Variants in LRP1B observed in about 807,000 individuals in gnomAD.
LRP1B encodes the protein low-density lipoprotein receptor-related protein 1B.
Under a neutral mutation model 556.6 loss-of-function variants are expected in LRP1B, and 217 were observed. The observed-to-expected ratio is 0.39, with a 90% CI of 0.35 to 0.44. LRP1B has a LOEUF of 0.44. Among genes scored for constraint, LRP1B ranks in the 20% least tolerant of loss-of-function variants. The pLI is 1.00. For missense variants in LRP1B, 5,053 were observed against 5,620.8 expected (o/e 0.90, Z 3.23); for synonymous variants, 2,047 against 1,865.8 (o/e 1.10, Z -2.50).
chr2:141,983,629 T>C (rs968063050), intron 1 of LRP1B, among the ~76,000 whole-genome samples: 5 of 152,176 alleles, frequency 3.3e-5, no homozygotes, highest in African/African-American at 1.2e-4. Flanking sequence ...TCAAAAATAG[T>C]ACATTTTTAA....
chr2:140,517,312 A>G (rs1689948474), intron 49 of LRP1B, among the ~76,000 whole-genome samples: 1 of 152,200 alleles, frequency 6.6e-6, no homozygotes, highest in Non-Finnish European at 1.5e-5. Flanking sequence ...GTTAATAAAC[A>G]TAAAATAAAG....
At chr2:140,704,547 A>C (rs1686758474) in intron 37 of LRP1B, among the ~76,000 whole-genome samples, 1 of 152,176 alleles carries the variant, frequency 6.6e-6, no homozygotes. Context: ...AAAAATCTAC[A>C]CCTTTATTAA....
chr2:140,988,703 T>C (rs1697001782), intron 17 of LRP1B, among the ~76,000 whole-genome samples: 1 of 152,156 alleles, frequency 6.6e-6, no homozygotes, highest in South Asian at 2.1e-4. Flanking sequence ...TGGTAATTTA[T>C]AACACTTGTT....
chr2:140,450,041 A>G (rs1686822446), intron 63 of LRP1B, among the ~76,000 whole-genome samples: 1 of 152,230 alleles, frequency 6.6e-6, no homozygotes. Flanking sequence ...ACTTGGTAAT[A>G]TCTTTAGAGC....
intron 7 of LRP1B, among the ~76,000 whole-genome samples, chr2:141,101,240 T>C (rs1040167049): frequency 6.6e-6 from 1 of 152,104 alleles, no homozygotes; most frequent in Non-Finnish European, 1.5e-5. Context: ...CTCCATGCCA[T>C]CAAGGGATGA....
intron 31 of LRP1B, among the ~76,000 whole-genome samples, chr2:140,818,898 C>G (rs545131717): frequency 1.8e-4 from 26 of 144,838 alleles, no homozygotes; most frequent in Admixed American, 1.4e-3. Flanking sequence ...AATCATGCCA[C>G]TGCACTCCAG....
intron 1 of LRP1B, among the ~76,000 whole-genome samples, chr2:142,006,116 T>TA (rs911473723): frequency 2.6e-5 from 4 of 152,036 alleles, no homozygotes; most frequent in Admixed American, 1.3e-4. Flanking sequence ...ACATCAACAA[T>TA]AAAAAAATGA....
intron 2 of LRP1B, among the ~76,000 whole-genome samples, chr2:141,534,293 C>A (rs919801975): frequency 1.3e-5 from 2 of 152,102 alleles, no homozygotes; most frequent in African/African-American, 4.8e-5. Context: ...GGGGCATTAG[C>A]TACATTGAAA....
chr2:140,704,796 A>G (rs2105436239), intron 37 of LRP1B, among the ~76,000 whole-genome samples: 1 of 152,302 alleles, frequency 6.6e-6, no homozygotes, highest in South Asian at 2.1e-4. Context: ...CAAAGTTCAC[A>G]TAAGAAAAGA....
intron 66 of LRP1B, among the ~76,000 whole-genome samples, chr2:140,435,972 T>TTC (rs879455930): frequency 5.3e-5 from 8 of 150,326 alleles, no homozygotes; most frequent in East Asian, 1.9e-4. Flanking sequence ...CTCTCTTCCT[T>TTC]TCTCTCTCTC....
At chr2:140,857,415 A>G (rs1692653298) in intron 27 of LRP1B, among the ~76,000 whole-genome samples, 1 of 152,196 alleles carries the variant, frequency 6.6e-6, no homozygotes, top group Non-Finnish European at 1.5e-5. Flanking sequence ...AGTTTTAAAG[A>G]AAGGAATTTT....
At chr2:140,910,108 C>CAA (rs1040455973) in intron 21 of LRP1B, among the ~76,000 whole-genome samples, 1 of 141,754 alleles carries the variant, frequency 7.1e-6, no homozygotes, top group Non-Finnish European at 1.6e-5. Flanking sequence ...AAACAAAAAA[C>CAA]AAAACAGAGG....
intron 79 of LRP1B, among the ~76,000 whole-genome samples, chr2:140,333,557 G>T (rs1259071706): frequency 6.6e-6 from 1 of 151,672 alleles, no homozygotes. Context: ...TGAATGGAAA[G>T]GTATAAAACA....
intron 2 of LRP1B, among the ~76,000 whole-genome samples, chr2:141,615,944 G>T (rs905692795): frequency 6.6e-6 from 1 of 152,116 alleles, no homozygotes; most frequent in Non-Finnish European, 1.5e-5. Context: ...AATGATGACT[G>T]TCTTTATTCT....
intron 1 of LRP1B, among the ~76,000 whole-genome samples, chr2:142,112,676 C>T (rs1166985905): frequency 2.0e-5 from 3 of 152,090 alleles, no homozygotes; most frequent in South Asian, 2.1e-4. Flanking sequence ...TTCTAGATGG[C>T]GTTCTCTAAT....
intron 2 of LRP1B, among the ~76,000 whole-genome samples, chr2:141,713,742 G>A (rs1213846203): frequency 1.3e-5 from 2 of 152,066 alleles, no homozygotes; most frequent in South Asian, 2.1e-4. Flanking sequence ...TATTTAAAAT[G>A]CATTATGTAT....
intron 3 of LRP1B, among the ~76,000 whole-genome samples, chr2:141,271,798 A>G (rs1437894035): frequency 1.3e-5 from 2 of 151,614 alleles, no homozygotes; most frequent in East Asian, 3.9e-4. Context: ...AGGATTGATA[A>G]TGATATAGCT....
intron 32 of LRP1B, among the ~76,000 whole-genome samples, chr2:140,782,404 T>C (rs12616902): frequency 0.43 from 66,059 of 151,918 alleles, 16,169 homozygotes; most frequent in East Asian, 0.66. Context: ...GAAGAGGACA[T>C]TGGGACACAG....
Position 141,626,441 on chromosome 2 carries a change from G to T in LRP1B, c.206-145908C>A, listed in dbSNP as rs1026539953. ...ATACAGCACTAAAGACACCAACTAT[G>T]AATGTAATAATTGATAAGCTGGACT... On this transcript the variant is annotated intron_variant, in intron 2 of 90. Transcript: ENST00000389484. Among the ~76,000 whole-genome samples the T allele has an allele frequency of 6.6e-5, 10 of 152,258 alleles. No homozygotes were observed. In the South Asian group the frequency reaches 2.1e-3, roughly 32 times the overall value.
Sources: allele counts gnomAD v4.1 joint callset (sites outside exome capture counted in the v4.1 genomes callset), GRCh38; gene constraint gnomAD v4.1.1; transcripts MANE v1.5; gene names NCBI Gene and HGNC (gene_info 2026-07-23, HGNC 2026-07-21).